NT5DC3: variants seen among roughly 807,000 people sequenced by gnomAD.
The protein encoded by NT5DC3 is 5'-nucleotidase domain-containing protein 3.
In NT5DC3, 42 loss-of-function variants were observed where a neutral mutation model predicts 67.8. That is an observed-to-expected ratio of 0.62 (90% CI 0.48 to 0.80). The LOEUF (loss-of-function observed/expected upper bound fraction) is 0.80. NT5DC3 is among the 30% of genes least tolerant of loss of function. The pLI, the probability that NT5DC3 is intolerant of heterozygous loss-of-function variation, is 0.00. For missense variants in NT5DC3, 570 were observed against 696.4 expected (o/e 0.82, Z 2.04); for synonymous variants, 237 against 255.6 (o/e 0.93, Z 0.69).
intron 4 of NT5DC3, among the ~76,000 whole-genome samples, chr12:103,803,867 C>CG (rs933297291): frequency 7.8e-6 from 1 of 127,918 alleles, no homozygotes; most frequent in African/African-American, 2.7e-5. Context: ...CCACCCCCCC[C>CG]CCAAAAAAAT....
At position 103,841,177 on chromosome 12, in the gene NT5DC3, A is replaced by G. The variant is rs897190822; in HGVS notation, c.-21T>C. The stretch of plus-strand genomic sequence containing the variant: ...GTCATGCCTGCTGCCTGCTGCCGCC[A>G]CCGCCGCCGCGCCGCTCTGCGACTG... On this transcript the variant is annotated 5_prime_UTR_variant, in exon 1 of 14. Transcript: ENST00000392876. 46 of 645,234 alleles carry G rather than the reference A, an allele frequency of 7.1e-5. No homozygotes were observed. Among genetic ancestry groups the G allele is most frequent in the South Asian group, 6.6e-4 (34 of 51,292 alleles). The allele number at this position is 645,234 out of a possible 1,614,324, so 40.0% of individuals were successfully genotyped here.
At chr12:103,799,343 C>G (rs968082060) in intron 4 of NT5DC3, among the ~76,000 whole-genome samples, 1 of 152,108 alleles carries the variant, frequency 6.6e-6, no homozygotes, top group South Asian at 2.1e-4. Flanking sequence ...GTGGGAGGGA[C>G]CTGGTGGGAG....
intron 4 of NT5DC3, among the ~76,000 whole-genome samples, chr12:103,803,859 A>ACCCC (rs10652483): frequency 9.3e-5 from 13 of 139,730 alleles, no homozygotes; most frequent in Admixed American, 2.2e-4. Context: ...ATTCATTACC[A>ACCCC]CCCCCCCCCC....
downstream of NT5DC3, among the ~76,000 whole-genome samples, chr12:103,771,813 G>T (rs1207862908): frequency 2.6e-5 from 4 of 152,154 alleles, no homozygotes; most frequent in African/African-American, 9.7e-5. Flanking sequence ...CACAACTCCA[G>T]GAAAGAGAAG....
downstream of NT5DC3, chr12:103,771,044 G>A (rs117801420): frequency 5.4e-3 from 825 of 152,422 alleles, 7 homozygotes; most frequent in Non-Finnish European, 8.0e-3. Flanking sequence ...CCTGGGCAGT[G>A]AGAAGTAAAT....
At chr12:103,748,361 G>A in the NT5DC3 span, among the ~76,000 whole-genome samples, 2 of 152,084 alleles carry the variant, frequency 1.3e-5, no homozygotes, top group Non-Finnish European at 2.9e-5. Flanking sequence ...TCGTTGGGTC[G>A]ATATTTGGGG....
chr12:103,840,421 A>ATCTCATCTCC lies in NT5DC3; in HGVS notation c.208+527_208+528insGGAGATGAGA, dbSNP rs534475248. Among the ~76,000 whole-genome samples the ATCTCATCTCC allele has an allele frequency of 8.4e-4, 120 of 143,040 alleles. 1 individual carries two copies. Among genetic ancestry groups the ATCTCATCTCC allele is most frequent in the Middle Eastern group, 3.5e-3 (1 of 288 alleles). 93.8% of individuals were successfully genotyped at this position (143,040 alleles called of 152,430 possible). A position where few individuals can be genotyped will look rare whatever the true frequency, so the allele number is the denominator to read the frequency against. ...ATCTCATCTCATCTCATCTCATCTC[A>ATCTCATCTCC]TTCCATCCCATTCCATCCCATCCCA... is the stretch of plus-strand genomic sequence containing the variant. On this transcript the variant is annotated intron_variant, in intron 1 of 13. Coordinates refer to ENST00000392876, the MANE Select transcript of NT5DC3 (RefSeq NM_001031701.3).
At chr12:103,752,374 A>G in the NT5DC3 span, among the ~76,000 whole-genome samples, 1 of 152,220 alleles carries the variant, frequency 6.6e-6, no homozygotes. Context: ...GTGCTACTGA[A>G]ATATGTTCAA....
chr12:103,830,545 G>A (rs985292386), intron 1 of NT5DC3, among the ~76,000 whole-genome samples: 4 of 152,078 alleles, frequency 2.6e-5, no homozygotes, highest in African/African-American at 9.7e-5. Flanking sequence ...TCTGTCAACT[G>A]TTTTCATAAT....
intron 1 of NT5DC3, among the ~76,000 whole-genome samples, chr12:103,836,631 CT>C (rs1392588888): frequency 9.2e-5 from 14 of 152,178 alleles, no homozygotes; most frequent in Admixed American, 9.2e-4. Flanking sequence ...TGGTTATATA[CT>C]TTGTAGAAAG....
chr12:103,765,259 T>TATCA, the NT5DC3 span, among the ~76,000 whole-genome samples: 1 of 152,292 alleles, frequency 6.6e-6, no homozygotes, highest in East Asian at 1.9e-4. Flanking sequence ...CTGAGGGCTC[T>TATCA]ATCAGCACCA....
At chr12:103,753,139 G>T in the NT5DC3 span, 2 of 1,556,030 alleles carry the variant, frequency 1.3e-6, no homozygotes. Flanking sequence ...CCTTCATTTT[G>T]AAAGTCCTTC....
intron 1 of NT5DC3, chr12:103,819,493 A>G (rs772217341): frequency 3.3e-5 from 5 of 152,238 alleles, no homozygotes; most frequent in African/African-American, 4.8e-5. Context: ...GATGACAGCA[A>G]GACTATACAA....
At chr12:103,794,145 C>CTTAT in intron 6 of NT5DC3, 148 bp from the exon 7 acceptor site, 1 of 399,084 alleles carries the variant, frequency 2.5e-6, no homozygotes, top group Middle Eastern at 5.4e-4. Context: ...GGTCCATTTT[C>CTTAT]TTCTTCTTTT....
Position 103,841,027 on chromosome 12 carries a change from A to G in NT5DC3, c.130T>C (p.Cys44Arg). The G allele has an allele frequency of 7.8e-7, 1 of 1,280,370 alleles. No homozygotes were observed. 79.3% of individuals were successfully genotyped at this position (1,280,370 alleles called of 1,614,324 possible). The change falls in exon 1 of 14, where the codon TGC becomes CGC. Residue 44 changes from cysteine (C) to arginine (R), a missense_variant. By Grantham distance (180) the Cys-to-Arg change is radical. This residue lies in a region of NT5DC3 where 104 missense variants were observed against 88.4 expected (regional missense o/e 1.18). Transcript: ENST00000392876. ...RPCAGPARPL[C>R]TAPGTAPDMK... Reference sequence around the variant, plus strand: ...TCCGGGGCGGTCCCGGGTGCAGTGCACAAGGGCCGGGCGGGGCCCGCACAC... The same window carrying G: ...TCCGGGGCGGTCCCGGGTGCAGTGCGCAAGGGCCGGGCGGGGCCCGCACAC...
the NT5DC3 span, chr12:103,755,193 G>A: frequency 6.8e-7 from 1 of 1,478,982 alleles, no homozygotes; most frequent in Non-Finnish European, 9.1e-7. Flanking sequence ...AATAGGCAAA[G>A]TGAGACTTTA....
At chr12:103,754,624 C>T in the NT5DC3 span, among the ~76,000 whole-genome samples, 17 of 152,020 alleles carry the variant, frequency 1.1e-4, no homozygotes, top group South Asian at 3.1e-3. Context: ...ATTATAATAA[C>T]GATGAGAGCA....
At chr12:103,778,359 C>T (rs1167321791) in intron 13 of NT5DC3, among the ~76,000 whole-genome samples, 1 of 151,788 alleles carries the variant, frequency 6.6e-6, no homozygotes, top group Non-Finnish European at 1.5e-5. Flanking sequence ...GGTGAAACCC[C>T]GTCTCTATTA....
At chr12:103,787,343 T>C (rs903535768) in intron 11 of NT5DC3, 98 bp downstream of exon 11, 10 of 559,266 alleles carry the variant, frequency 1.8e-5, no homozygotes, top group Non-Finnish European at 3.0e-5. Context: ...AAAAGATATA[T>C]TCTTAAATAA....
Sources: allele counts gnomAD v4.1 joint callset (sites outside exome capture counted in the v4.1 genomes callset), GRCh38; gene constraint gnomAD v4.1.1; regional missense constraint gnomAD v4.1.1; transcripts MANE v1.5; gene names NCBI Gene and HGNC (gene_info 2026-07-23, HGNC 2026-07-21).